The following LRRTM4 variants were observed in gnomAD, a reference collection of about 807,000 sequenced individuals.
LRRTM4 encodes leucine-rich repeat transmembrane neuronal protein 4.
A neutral mutation model predicts 47.6 loss-of-function variants in LRRTM4; 25 were observed. The ratio of observed to expected loss-of-function variants is 0.53; its 90% confidence interval spans 0.38 to 0.73. The LOEUF (loss-of-function observed/expected upper bound fraction) is 0.73. Among genes scored for constraint, LRRTM4 ranks in the 30% least tolerant of loss-of-function variants. The pLI, the probability that LRRTM4 is intolerant of heterozygous loss-of-function variation, is 0.00. For missense variants in LRRTM4, 638 were observed against 713.4 expected, an observed-to-expected ratio of 0.89 and a Z score of 1.20; for synonymous variants, 311 against 269.5, an observed-to-expected ratio of 1.15 and a Z score of -1.51.
chr2:77,364,142 AACAAG>A (rs1158015941), intron 3 of LRRTM4, among the ~76,000 whole-genome samples: 1 of 150,034 alleles, frequency 6.7e-6, no homozygotes, highest in Non-Finnish European at 1.5e-5. Context: ...AAAAAAAAAA[AACAAG>A]TTCTTGTTTA....
At chr2:77,331,424 C>A (rs1670967958) in intron 3 of LRRTM4, among the ~76,000 whole-genome samples, 1 of 152,114 alleles carries the variant, frequency 6.6e-6, no homozygotes, top group Non-Finnish European at 1.5e-5. Context: ...TTATCCAGGC[C>A]TACTCTAAGA....
intron 3 of LRRTM4, among the ~76,000 whole-genome samples, chr2:77,329,576 T>A (rs1014105848): frequency 6.6e-6 from 1 of 152,168 alleles, no homozygotes; most frequent in Non-Finnish European, 1.5e-5. Context: ...GAAGGCTCCC[T>A]GCACTCCCTT....
chr2:77,068,696 G>A (rs1348500801), intron 3 of LRRTM4, among the ~76,000 whole-genome samples: 2 of 152,182 alleles, frequency 1.3e-5, no homozygotes, highest in East Asian at 1.9e-4. Context: ...ACTACATTTT[G>A]AAAGCTGTTA....
chr2:77,072,585 G>A (rs551474602), intron 3 of LRRTM4, among the ~76,000 whole-genome samples: 1 of 152,066 alleles, frequency 6.6e-6, no homozygotes, highest in East Asian at 1.9e-4. Flanking sequence ...ATCACCTGAA[G>A]TCAGAAGTTC....
intron 3 of LRRTM4, among the ~76,000 whole-genome samples, chr2:77,393,285 G>C (rs193241722): frequency 1.3e-5 from 2 of 151,804 alleles, no homozygotes; most frequent in Non-Finnish European, 2.9e-5. Context: ...ACCCTCCCAC[G>C]GCATAGAGTC....
intron 3 of LRRTM4, among the ~76,000 whole-genome samples, chr2:77,376,173 G>A (rs1020687406): frequency 2.0e-5 from 3 of 151,576 alleles, no homozygotes; most frequent in African/African-American, 7.3e-5. Context: ...AAGATTTTCT[G>A]GTTATGAGAA....
intron 3 of LRRTM4, among the ~76,000 whole-genome samples, chr2:77,106,534 C>T (rs946210374): frequency 6.6e-6 from 1 of 151,320 alleles, no homozygotes; most frequent in Non-Finnish European, 1.5e-5. Flanking sequence ...AATTAAGTAA[C>T]ACATATTAAA....
In LRRTM4 at chr2:77,419,284, T is replaced by A. The variant is rs140514108; in HGVS notation, c.1551+99034A>T. Among the ~76,000 whole-genome samples the A allele has an allele frequency of 1.6e-3, 245 of 152,314 alleles. 2 individuals carry two copies. The highest frequency in any genetic ancestry group is 2.2e-3 in the Non-Finnish European group (151 of 68,020). Reference sequence around the variant, plus strand: ...GAAATTTATGGCTAAGAAACATTAATGCTGTGTCAATAGAATGTTCCACAT... The same window carrying A: ...GAAATTTATGGCTAAGAAACATTAAAGCTGTGTCAATAGAATGTTCCACAT... On this transcript the variant is annotated intron_variant, in intron 3 of 3. Transcript: ENST00000409884.
intron 3 of LRRTM4, among the ~76,000 whole-genome samples, chr2:77,460,972 C>A (rs1218188775): frequency 6.6e-6 from 1 of 151,988 alleles, no homozygotes; most frequent in Non-Finnish European, 1.5e-5. Flanking sequence ...ATATAGACTA[C>A]ATTTTAAAGA....
intron 3 of LRRTM4, among the ~76,000 whole-genome samples, chr2:77,248,901 G>T (rs991267187): frequency 8.6e-5 from 13 of 151,760 alleles, no homozygotes; most frequent in Admixed American, 3.3e-4. Context: ...TACTCAAAAT[G>T]GATCACAAAC....
chr2:77,342,750 C>A lies in LRRTM4; in HGVS notation c.1551+175568G>T, dbSNP rs73941222. Among the ~76,000 whole-genome samples, 384 of 151,876 alleles carry A rather than the reference C, an allele frequency of 2.5e-3. 1 individual carries two copies. The highest frequency in any genetic ancestry group is 8.8e-3 in the African/African-American group (365 of 41,472). ...TGTTTGTTTGATTTTCCTCTATACC[C>A]AGGAAATGTAATGTTTCTGCTTCTA... On this transcript the variant is annotated intron_variant, in intron 3 of 3. Transcript: ENST00000409884.
chr2:76,761,587 A>C (rs1013867004), intron 3 of LRRTM4, among the ~76,000 whole-genome samples: 1 of 152,176 alleles, frequency 6.6e-6, no homozygotes, highest in African/African-American at 2.4e-5. Flanking sequence ...ACACTTTCAC[A>C]ATCTATTTCT....
chr2:77,311,674 G>C (rs1013031915), intron 3 of LRRTM4, among the ~76,000 whole-genome samples: 2 of 152,196 alleles, frequency 1.3e-5, no homozygotes, highest in African/African-American at 2.4e-5. Flanking sequence ...TGATCTGAAA[G>C]CCCATAGTGA....
At chr2:76,978,580 T>G (rs1474155339) in intron 3 of LRRTM4, among the ~76,000 whole-genome samples, 1 of 152,078 alleles carries the variant, frequency 6.6e-6, no homozygotes. Flanking sequence ...GATAGCACAG[T>G]GCACTTAATC....
intron 3 of LRRTM4, among the ~76,000 whole-genome samples, chr2:77,491,561 A>T (rs1678163242): frequency 6.6e-6 from 1 of 152,084 alleles, no homozygotes; most frequent in Non-Finnish European, 1.5e-5. Flanking sequence ...CGATGGGGCA[A>T]CACTGAGAGA....
chr2:76,806,368 G>C (rs1411118270), intron 3 of LRRTM4, among the ~76,000 whole-genome samples: 1 of 152,108 alleles, frequency 6.6e-6, no homozygotes, highest in Non-Finnish European at 1.5e-5. Context: ...GATCACTTGA[G>C]GTCAGGAGTT....
intron 3 of LRRTM4, among the ~76,000 whole-genome samples, chr2:77,046,609 T>A (rs1679244511): frequency 6.6e-6 from 1 of 151,952 alleles, no homozygotes; most frequent in Non-Finnish European, 1.5e-5. Flanking sequence ...GCACCCTCAA[T>A]GTTGCAGTGC....
intron 3 of LRRTM4, among the ~76,000 whole-genome samples, chr2:77,077,288 AT>A (rs899586010): frequency 4.1e-4 from 63 of 152,268 alleles, no homozygotes; most frequent in African/African-American, 1.4e-3. Flanking sequence ...CATTTCCTAA[AT>A]AACTATAATC....
intron 3 of LRRTM4, among the ~76,000 whole-genome samples, chr2:77,307,546 T>C (rs903483134): frequency 1.4e-5 from 2 of 137,942 alleles, no homozygotes; most frequent in South Asian, 4.5e-4. Flanking sequence ...GATATATCTA[T>C]ATATTATAGA....
Sources: gnomAD v4.1 joint callset for allele counts (sites outside exome capture counted in the v4.1 genomes callset) on GRCh38, gnomAD v4.1.1 for gene constraint, MANE v1.5 for transcripts, NCBI Gene and HGNC (gene_info 2026-07-23, HGNC 2026-07-21) for gene names.